Variants in ADAMTS9 observed in about 807,000 individuals in gnomAD.
ADAMTS9 encodes the protein ADAM metallopeptidase with thrombospondin type 1 motif 9.
In ADAMTS9, 107 loss-of-function variants were observed where a neutral mutation model predicts 257.1. That is an observed-to-expected ratio of 0.42 (90% CI 0.36 to 0.49). The LOEUF (loss-of-function observed/expected upper bound fraction) is 0.49, where lower values mean the gene tolerates loss of function less well. Ranked by LOEUF, ADAMTS9 falls within the 20% of genes least tolerant of loss-of-function variation. The pLI is 0.03. For missense variants in ADAMTS9, 2,353 were observed against 2,469.1 expected (o/e 0.95, Z 1.00); for synonymous variants, 982 against 880.9 (o/e 1.11, Z -2.03).
chr3:64,645,243 T>C (rs555979966), intron 11 of ADAMTS9, among the ~76,000 whole-genome samples: 1 of 152,348 alleles, frequency 6.6e-6, no homozygotes, highest in African/African-American at 2.4e-5. Context: ...TAGAAATGTA[T>C]CTTTTTAAGA....
At position 64,613,351 on chromosome 3, in the gene ADAMTS9, C is replaced by T; in HGVS notation, c.3348G>A (p.Trp1116Ter). ...PECASWQAGP[W>*]GQCSVTCGQG... ...ATCTTATCGTTCAAAATACCTGTCCCCAGGGACCCGCCTGCCAGGATGCAC... is the reference window on the plus strand; with the variant it reads ...ATCTTATCGTTCAAAATACCTGTCCTCAGGGACCCGCCTGCCAGGATGCAC... The change falls in exon 22 of 40, where the codon TGG (tryptophan) becomes TGA (stop). Residue 1116 changes from tryptophan to a stop codon, truncating the protein, a stop_gained. Transcript: ENST00000498707. LOFTEE classifies it high-confidence loss of function. 6.2e-7 allele frequency: 1 copy of T among 1,613,540 alleles called. No homozygotes were observed. Among genetic ancestry groups the T allele is most frequent in the Non-Finnish European group, 8.5e-7 (1 of 1,179,706 alleles).
intron 11 of ADAMTS9, among the ~76,000 whole-genome samples, chr3:64,642,726 A>T (rs1700682729): frequency 6.6e-6 from 1 of 152,238 alleles, no homozygotes; most frequent in Non-Finnish European, 1.5e-5. Context: ...AGCCGAGGTC[A>T]CTGAGCAGTG....
intron 37 of ADAMTS9, among the ~76,000 whole-genome samples, chr3:64,538,176 G>A (rs2083073291): frequency 6.6e-6 from 1 of 152,116 alleles, no homozygotes; most frequent in Non-Finnish European, 1.5e-5. Context: ...ATTATCTCAT[G>A]GATATTCGTT....
At chr3:64,648,788 T>C (rs997109907) in intron 10 of ADAMTS9, among the ~76,000 whole-genome samples, 17 of 152,172 alleles carry the variant, frequency 1.1e-4, no homozygotes, top group African/African-American at 4.1e-4. Context: ...TCATTTTCAA[T>C]TGCTATAAAA....
chr3:64,524,045 T>C (rs1453353697), intron 38 of ADAMTS9, among the ~76,000 whole-genome samples: 3 of 152,160 alleles, frequency 2.0e-5, no homozygotes, highest in Non-Finnish European at 4.4e-5. Context: ...GATAATACTG[T>C]TTGGATCACA....
intron 20 of ADAMTS9, 114 bp downstream of exon 20, chr3:64,615,846 C>A: frequency 1.6e-6 from 2 of 1,259,028 alleles, no homozygotes; most frequent in South Asian, 1.3e-5. Flanking sequence ...CATTACAAAT[C>A]AATCACGGTC....
Position 64,655,690 on chromosome 3 carries a change from T to C in ADAMTS9, c.1055A>G (p.Asp352Gly), listed in dbSNP as rs764951739. The change falls in exon 6 of 40, where the codon GAT becomes GGT. Residue 352 changes from aspartate to glycine, a missense_variant and splice_region_variant. Transcript: ENST00000498707. ...AGCATTAAAAGATATGGAAGGCCCA[T>C]CCTAAATACAGAGAAGAATTATGGT... ...VNLIVIHNEQ[D>G]GPSISFNAQT... 34 of 1,612,860 alleles carry C rather than the reference T, an allele frequency of 2.1e-5. No homozygotes were observed. Among genetic ancestry groups the C allele is most frequent in the Non-Finnish European group, 2.8e-5 (33 of 1,178,942 alleles).
chr3:64,648,323 C>T (rs775643448), intron 10 of ADAMTS9, among the ~76,000 whole-genome samples: 80 of 152,184 alleles, frequency 5.3e-4, no homozygotes, highest in Admixed American at 1.9e-3. Context: ...AGGTTCCTTT[C>T]CCTTCCTTTT....
At chr3:64,676,261 G>A (rs1024565010) in intron 3 of ADAMTS9, among the ~76,000 whole-genome samples, 26 of 152,272 alleles carry the variant, frequency 1.7e-4, no homozygotes, top group African/African-American at 6.3e-4. Flanking sequence ...AATGTGGCTT[G>A]GCTATTGGTC....
At chr3:64,662,642 A>G (rs1701252688) in intron 3 of ADAMTS9, among the ~76,000 whole-genome samples, 1 of 152,170 alleles carries the variant, frequency 6.6e-6, no homozygotes, top group South Asian at 2.1e-4. Flanking sequence ...CTTTTTTATC[A>G]TTATAAAACA....
chr3:64,578,025 G>A (rs1209980238), intron 28 of ADAMTS9, among the ~76,000 whole-genome samples: 1 of 152,292 alleles, frequency 6.6e-6, no homozygotes, highest in East Asian at 1.9e-4. Flanking sequence ...TTTTCGGGAA[G>A]CAGCTTATGT....
chr3:64,547,016 C>T, intron 31 of ADAMTS9, 64 bp from the exon 32 acceptor site: 5 of 1,426,510 alleles, frequency 3.5e-6, no homozygotes, highest in Non-Finnish European at 4.8e-6. Context: ...ACAATAGGCC[C>T]CTGACCTCCA....
intron 28 of ADAMTS9, 194 bp from the exon 29 acceptor site, chr3:64,568,729 C>T (rs1211266230): frequency 3.4e-6 from 2 of 588,122 alleles, no homozygotes; most frequent in Non-Finnish European, 5.7e-6. Context: ...ATGTCCACAG[C>T]ATTACAGCAG....
chr3:64,636,125 C>T (rs1297377012), intron 12 of ADAMTS9, among the ~76,000 whole-genome samples: 1 of 151,984 alleles, frequency 6.6e-6, no homozygotes, highest in Non-Finnish European at 1.5e-5. Flanking sequence ...TTAGCTGATT[C>T]TTGAAATTTA....
chr3:64,640,044 T>C (rs1700600224), intron 12 of ADAMTS9, among the ~76,000 whole-genome samples: 1 of 152,140 alleles, frequency 6.6e-6, no homozygotes, highest in African/African-American at 2.4e-5. Flanking sequence ...TGAAGCATGA[T>C]CTATATTTAT....
intron 16 of ADAMTS9, 44 bp from the exon 17 acceptor site, chr3:64,622,630 G>T: frequency 6.3e-7 from 1 of 1,598,528 alleles, no homozygotes; most frequent in Non-Finnish European, 8.6e-7. Flanking sequence ...TGCTGTCAAT[G>T]ACTAGCTGTT....
chr3:64,562,311 A>C (rs1223616203), intron 29 of ADAMTS9, among the ~76,000 whole-genome samples: 1 of 152,166 alleles, frequency 6.6e-6, no homozygotes, highest in Admixed American at 6.5e-5. Context: ...GAATTCACTA[A>C]AGAATTTGTG....
Position 64,616,634 on chromosome 3 carries a change from G to T in ADAMTS9, c.2814-464C>A, listed in dbSNP as rs115797362. On this transcript the variant is annotated intron_variant, in intron 19 of 39. Transcript: ENST00000498707. ...TCCATACTACCTGTAATGAGATTAT[G>T]GGGGGACACAGTAGGTATTCAGTGT... 3.1e-3 allele frequency among the ~76,000 whole-genome samples: 475 copies of T among 152,218 alleles called. 2 individuals are homozygous for T. Among genetic ancestry groups the T allele is most frequent in the South Asian group, 0.018 (87 of 4,816 alleles).
At chr3:64,678,142 T>C (rs1701668163) in intron 3 of ADAMTS9, among the ~76,000 whole-genome samples, 1 of 152,164 alleles carries the variant, frequency 6.6e-6, no homozygotes. Flanking sequence ...CTCCCAAGGC[T>C]AGGGAAGGTT....
Sources: gnomAD v4.1 joint callset for allele counts (sites outside exome capture counted in the v4.1 genomes callset) on GRCh38, gnomAD v4.1.1 for gene constraint, MANE v1.5 for transcripts, NCBI Gene and HGNC (gene_info 2026-07-23, HGNC 2026-07-21) for gene names.